The following PLEKHM2 variants were observed in gnomAD, a reference collection of about 807,000 sequenced individuals.
The protein encoded by PLEKHM2 is pleckstrin homology and RUN domain containing M2.
In PLEKHM2, 77 loss-of-function variants were observed where a neutral mutation model predicts 116.3. That is an observed-to-expected ratio of 0.66 (90% CI 0.55 to 0.80). The LOEUF is 0.80. PLEKHM2 is among the 30% of genes least tolerant of loss of function. The pLI, the probability that PLEKHM2 is intolerant of heterozygous loss-of-function variation, is 0.00. For synonymous variants in PLEKHM2, 562 were observed against 571.0 expected (o/e 0.98, Z 0.22); for missense variants, 1,183 against 1,354.9 (o/e 0.87, Z 1.99).
chr1:15,728,557 C>T lies in PLEKHM2; in HGVS notation c.1922-112C>T. 1 of 1,078,286 alleles carries T rather than the reference C, an allele frequency of 9.3e-7. No homozygotes were observed. The highest frequency in any genetic ancestry group is 2.6e-5 in the East Asian group (1 of 38,872). The allele number at this position is 1,078,286 out of a possible 1,614,324, so 66.8% of individuals were successfully genotyped here. A position where few individuals can be genotyped will look rare whatever the true frequency, so the allele number is the denominator to read the frequency against. On this transcript the variant is annotated intron_variant, in intron 11 of 19. Coordinates refer to ENST00000375799, the MANE Select transcript of PLEKHM2 (RefSeq NM_015164.4). The surrounding 1 kb of genome is among the most constrained non-coding windows in gnomAD (Gnocchi z 5.9). ...GTGAGCACTCCACGCCATTCTCCTA[C>T]TGCAGGGCAAGGAGAGGCCCTCTAA...
intron 1 of PLEKHM2, among the ~76,000 whole-genome samples, 155 bp from the exon 2 acceptor site, chr1:15,716,082 C>A (rs1238483745): frequency 2.0e-5 from 3 of 152,236 alleles, no homozygotes; most frequent in African/African-American, 7.2e-5. Context: ...GCCAGAGCAG[C>A]AGCTGGGACA....
Position 15,727,806 on chromosome 1 carries a change from G to A in PLEKHM2, c.1734G>A (p.Ser578=), listed in dbSNP as rs767726429. The A allele has an allele frequency of 3.7e-5, 59 of 1,593,176 alleles. No homozygotes were observed. Among genetic ancestry groups the A allele is most frequent in the Non-Finnish European group, 4.4e-5 (51 of 1,169,848 alleles). ...TGGATGAGGGACAGGGGAGCCCTTCGGAGATGGTCCATTCCTCGGAGTTCA... is the reference window on the plus strand; with the variant it reads ...TGGATGAGGGACAGGGGAGCCCTTCAGAGATGGTCCATTCCTCGGAGTTCA... ...SGVDEGQGSP[S]EMVHSSEFRV... The change falls in exon 9 of 20, where the codon TCG becomes TCA. Residue 578 remains serine (S), a synonymous_variant. Coordinates refer to ENST00000375799, the MANE Select transcript of PLEKHM2 (RefSeq NM_015164.4). The surrounding 1 kb of genome is among the most constrained non-coding windows in gnomAD (Gnocchi z 7.5).
At chr1:15,694,423 C>T (rs1264505812) in intron 1 of PLEKHM2, among the ~76,000 whole-genome samples, 1 of 152,042 alleles carries the variant, frequency 6.6e-6, no homozygotes, top group Non-Finnish European at 1.5e-5. Context: ...AACTGCCATG[C>T]AATAGAGAAT....
rs771712474 is a variant in PLEKHM2 at position 15,729,856 on chromosome 1, C to T, written c.2135C>T (p.Pro712Leu). The change falls in exon 14 of 20, where the codon CCC becomes CTC. Residue 712 changes from proline to leucine, a missense_variant. Transcript: ENST00000375799. This position sits in a 1 kb window ranked among gnomAD's most constrained non-coding sequence, Gnocchi z 4.7. Reference protein sequence around the residue: ...MIKGCREPPYPSILTDATMEK... With the variant: ...MIKGCREPPYLSILTDATMEK... Reference sequence around the variant, plus strand: ...AAAGGCTGTCGAGAACCTCCCTACCCCAGCATCCTGACGGATGCCACCATG... The same window carrying T: ...AAAGGCTGTCGAGAACCTCCCTACCTCAGCATCCTGACGGATGCCACCATG... 1.9e-6 allele frequency: 3 copies of T among 1,612,976 alleles called. No homozygotes were observed. Among genetic ancestry groups the T allele is most frequent in the East Asian group, 4.5e-5 (2 of 44,880 alleles).
At chr1:15,690,094 T>C (rs1370791517) in intron 1 of PLEKHM2, among the ~76,000 whole-genome samples, 1 of 151,180 alleles carries the variant, frequency 6.6e-6, no homozygotes, top group African/African-American at 2.4e-5. Flanking sequence ...TTTGAGACAG[T>C]CTTGCTCTGT....
Position 15,728,544 on chromosome 1 carries a change from C to A in PLEKHM2, c.1922-125C>A. On this transcript the variant is annotated intron_variant, in intron 11 of 19. Coordinates refer to ENST00000375799, the MANE Select transcript of PLEKHM2 (RefSeq NM_015164.4). The surrounding 1 kb of genome is among the most constrained non-coding windows in gnomAD (Gnocchi z 5.9). Reference sequence around the variant, plus strand: ...TGGGGCTCCCTCTGTGAGCACTCCACGCCATTCTCCTACTGCAGGGCAAGG... The same window carrying A: ...TGGGGCTCCCTCTGTGAGCACTCCAAGCCATTCTCCTACTGCAGGGCAAGG... 2 of 1,011,094 alleles carry A rather than the reference C, an allele frequency of 2.0e-6. No homozygotes were observed. The highest frequency in any genetic ancestry group is 3.0e-6 in the Non-Finnish European group (2 of 666,942). 62.6% of individuals were successfully genotyped at this position (1,011,094 alleles called of 1,614,324 possible). A position where few individuals can be genotyped will look rare whatever the true frequency, so the allele number is the denominator to read the frequency against.
In PLEKHM2 at chr1:15,733,899, T is replaced by C; in HGVS notation, c.3025T>C (p.Cys1009Arg). Residue 1009 changes from cysteine to arginine, a missense_variant, in exon 20 of 20, where the codon TGC becomes CGC. Cys to Arg is a radical substitution (Grantham distance 180). Transcript: ENST00000375799. ...CGCCTGGCAGCGGAGCGACAGTCTC[T>C]GCCGCGGCCGAGCCTCCCGAGACCC... Reference protein sequence around the residue: ...HSAWQRSDSLCRGRASRDPWC With the variant: ...HSAWQRSDSLRRGRASRDPWC The C allele has an allele frequency of 1.2e-6, 2 of 1,612,828 alleles. No individual in the cohort carries two copies. The highest frequency in any genetic ancestry group is 1.7e-6 in the Non-Finnish European group (2 of 1,179,812).
At chr1:15,715,511 G>T (rs1346065546) in intron 1 of PLEKHM2, among the ~76,000 whole-genome samples, 1 of 151,932 alleles carries the variant, frequency 6.6e-6, no homozygotes, top group African/African-American at 2.4e-5. Flanking sequence ...CATGGTGGTG[G>T]GCACCTGTAA....
chr1:15,718,693 G>A lies in PLEKHM2; in HGVS notation c.465+68G>A, dbSNP rs534703017. On this transcript the variant is annotated intron_variant, in intron 5 of 19. Coordinates refer to ENST00000375799, the MANE Select transcript of PLEKHM2 (RefSeq NM_015164.4). ...GGGGCAGGGTGGGGGCAGGGTGGGCGGTGGCTTCATTTCTCAGGTCTTGTT... is the reference window on the plus strand; with the variant it reads ...GGGGCAGGGTGGGGGCAGGGTGGGCAGTGGCTTCATTTCTCAGGTCTTGTT... 3.2e-4 allele frequency: 242 copies of A among 758,506 alleles called. 1 individual carries two copies. The highest frequency in any genetic ancestry group is 8.7e-4 in the Admixed American group (42 of 48,284). The allele number at this position is 758,506 out of a possible 1,614,324, so 47.0% of individuals were successfully genotyped here.
rs912422634 is a variant in PLEKHM2 at position 15,731,204 on chromosome 1, C to T, written c.2412C>T (p.Leu804=). 1.9e-5 allele frequency: 31 copies of T among 1,598,342 alleles called. No homozygotes were observed. Among genetic ancestry groups the T allele is most frequent in the Admixed American group, 5.1e-5 (3 of 58,272 alleles). Residue 804 remains leucine, a synonymous_variant, in exon 16 of 20, where the codon CTC becomes CTT. Coordinates refer to ENST00000375799, the MANE Select transcript of PLEKHM2 (RefSeq NM_015164.4). ...TCFVVLSNGI[L]YQYPDRTDVI... is the part of the protein sequence containing the mutation. ...TGTGCCCCTGCAGCAACGGGATCCT[C>T]TACCAGTACCCGGACCGCACCGACG... is the stretch of plus-strand genomic sequence containing the variant.
chr1:15,696,339 A>G (rs1640996358), intron 1 of PLEKHM2, among the ~76,000 whole-genome samples: 1 of 151,818 alleles, frequency 6.6e-6, no homozygotes, highest in Non-Finnish European at 1.5e-5. Context: ...CCTAACAAAT[A>G]TTTGTTTTTA....
chr1:15,703,472 A>G (rs1641159421), intron 1 of PLEKHM2, among the ~76,000 whole-genome samples: 1 of 152,202 alleles, frequency 6.6e-6, no homozygotes, highest in African/African-American at 2.4e-5. Context: ...TGGGCTGGGC[A>G]GGGTTGCAGC....
In PLEKHM2 at chr1:15,686,808, C is replaced by G. The variant is rs528492606; in HGVS notation, c.60+2190C>G. Reference sequence around the variant, plus strand: ...GGACTATAAGCGCCGGCCACCACGCCCGGCTAATTTTTTTGTATTTTTAGT... The same window carrying G: ...GGACTATAAGCGCCGGCCACCACGCGCGGCTAATTTTTTTGTATTTTTAGT... On this transcript the variant is annotated intron_variant, in intron 1 of 19. Coordinates refer to ENST00000375799, the MANE Select transcript of PLEKHM2 (RefSeq NM_015164.4). 9.2e-5 allele frequency among the ~76,000 whole-genome samples: 14 copies of G among 152,056 alleles called. 1 individual carries two copies. In the South Asian group the frequency reaches 2.9e-3, roughly 32 times the overall value.
intron 1 of PLEKHM2, among the ~76,000 whole-genome samples, chr1:15,695,073 G>A (rs948887733): frequency 1.3e-5 from 2 of 152,020 alleles, no homozygotes; most frequent in Admixed American, 1.3e-4. Flanking sequence ...CTGTGTACTT[G>A]TAATTTATCT....
At chr1:15,733,737 C>A in intron 19 of PLEKHM2, 60 bp from the exon 20 acceptor site, 1 of 1,568,644 alleles carries the variant, frequency 6.4e-7, no homozygotes, top group East Asian at 2.3e-5. Context: ...TGCCCACAAG[C>A]CCTGAAGACT....
At chr1:15,690,917 T>A (rs1260558008) in intron 1 of PLEKHM2, among the ~76,000 whole-genome samples, 4 of 152,152 alleles carry the variant, frequency 2.6e-5, no homozygotes, top group Admixed American at 6.5e-5. Flanking sequence ...TGATTTCAGA[T>A]CATGGTAAGC....
At chr1:15,681,851 G>A (rs1640651133), upstream of PLEKHM2, among the ~76,000 whole-genome samples, 1 of 152,146 alleles carries the variant, frequency 6.6e-6, no homozygotes, top group Non-Finnish European at 1.5e-5. Flanking sequence ...GAATATGAGA[G>A]GTAGATAACA....
chr1:15,701,139 G>T (rs1012982856), intron 1 of PLEKHM2, among the ~76,000 whole-genome samples: 5 of 147,116 alleles, frequency 3.4e-5, no homozygotes, highest in East Asian at 4.0e-4. Flanking sequence ...AGGGGGTGGG[G>T]GTATGTTATT....
At chr1:15,693,338 G>A (rs1640925825) in intron 1 of PLEKHM2, among the ~76,000 whole-genome samples, 1 of 152,248 alleles carries the variant, frequency 6.6e-6, no homozygotes, top group Admixed American at 6.5e-5. Context: ...ATCTCACCCG[G>A]ACCCATGCCC....
Sources: allele counts gnomAD v4.1 joint callset (sites outside exome capture counted in the v4.1 genomes callset), GRCh38; gene constraint gnomAD v4.1.1; non-coding constraint Gnocchi (gnomAD v3.1); transcripts MANE v1.5; gene names NCBI Gene and HGNC (gene_info 2026-07-23, HGNC 2026-07-21).